NREP: variants seen among roughly 807,000 people sequenced by gnomAD.
NREP encodes neuronal regeneration-related protein.
A neutral mutation model predicts 8.6 loss-of-function variants in NREP; 5 were observed. That is an observed-to-expected ratio of 0.58 (90% CI 0.30 to 1.22). The LOEUF is 1.22. Ranked by LOEUF, NREP falls within the 50% of genes most tolerant of loss-of-function variation. The pLI, the probability that NREP is intolerant of heterozygous loss-of-function variation, is 0.07. For missense variants in NREP, 86 were observed against 82.5 expected, an observed-to-expected ratio of 1.04 and a Z score of -0.17; for synonymous variants, 27 against 28.0, an observed-to-expected ratio of 0.96 and a Z score of 0.11.
intron 2 of NREP, among the ~76,000 whole-genome samples, chr5:111,900,167 G>C (rs1754607806): frequency 6.6e-6 from 1 of 151,790 alleles, no homozygotes; most frequent in Non-Finnish European, 1.5e-5. Flanking sequence ...CAAATACATG[G>C]AAATTAAGCA....
At chr5:111,936,157 T>C (rs565205701) in intron 2 of NREP, among the ~76,000 whole-genome samples, 4 of 152,246 alleles carry the variant, frequency 2.6e-5, no homozygotes, top group African/African-American at 9.6e-5. Context: ...GGGCATGATA[T>C]GGTTCGGCTC....
Position 111,951,923 on chromosome 5 carries a change from G to T in NREP, c.135+23351C>A, listed in dbSNP as rs77596841. ...ATAACTGTACCAAGATGAGGCTAAG[G>T]CACAAAAGTGGATACCTCCCCATTT... On this transcript the variant is annotated intron_variant, in intron 2 of 3. Transcript: ENST00000395634. Among the ~76,000 whole-genome samples, 673 of 152,078 alleles carry T rather than the reference G, an allele frequency of 4.4e-3. 7 individuals are homozygous for T. Among genetic ancestry groups the T allele is most frequent in the African/African-American group, 0.016 (649 of 41,498 alleles).
At chr5:111,739,776 G>A (rs1265865585) in intron 2 of NREP, 3 of 151,856 alleles carry the variant, frequency 2.0e-5, no homozygotes, top group African/African-American at 4.8e-5. Flanking sequence ...AAATTTAAGC[G>A]TTCTGGGTAT....
chr5:111,879,635 A>G (rs1753998033), intron 2 of NREP, among the ~76,000 whole-genome samples: 1 of 152,192 alleles, frequency 6.6e-6, no homozygotes, highest in Non-Finnish European at 1.5e-5. Context: ...TGGTGCTTAC[A>G]TTACTCTGCT....
At chr5:111,829,714 T>G (rs966564815) in intron 2 of NREP, among the ~76,000 whole-genome samples, 1 of 152,220 alleles carries the variant, frequency 6.6e-6, no homozygotes, top group Non-Finnish European at 1.5e-5. Context: ...CTCAATCTTC[T>G]GAGCTGAGGG....
intron 2 of NREP, among the ~76,000 whole-genome samples, chr5:111,844,557 T>G (rs1044166334): frequency 6.7e-6 from 1 of 150,232 alleles, no homozygotes; most frequent in South Asian, 2.1e-4. Context: ...AGCCAAAGAG[T>G]TGTTGGTGAT....
At chr5:111,876,462 G>A (rs563083611) in intron 2 of NREP, among the ~76,000 whole-genome samples, 1 of 152,192 alleles carries the variant, frequency 6.6e-6, no homozygotes, top group Non-Finnish European at 1.5e-5. Context: ...TTCCTTTTGA[G>A]CAGAATCCCA....
intron 3 of NREP, chr5:111,732,874 A>C (rs1309197366): frequency 1.3e-5 from 2 of 152,210 alleles, no homozygotes; most frequent in African/African-American, 4.8e-5. Flanking sequence ...TAACTCAACA[A>C]TTATAGTCTT....
intron 2 of NREP, among the ~76,000 whole-genome samples, chr5:111,910,374 A>G (rs1410494233): frequency 6.6e-6 from 1 of 152,026 alleles, no homozygotes; most frequent in Non-Finnish European, 1.5e-5. Flanking sequence ...AGAGTTCTCA[A>G]AGGAACAGCA....
chr5:111,877,774 A>T (rs896908254), intron 2 of NREP, among the ~76,000 whole-genome samples: 2 of 152,130 alleles, frequency 1.3e-5, no homozygotes, highest in African/African-American at 4.8e-5. Context: ...TAGGTTTTAC[A>T]GTTGAAGACT....
At chr5:111,864,560 G>A (rs1753623411) in intron 2 of NREP, among the ~76,000 whole-genome samples, 1 of 152,054 alleles carries the variant, frequency 6.6e-6, no homozygotes, top group African/African-American at 2.4e-5. Flanking sequence ...TATTAAAACT[G>A]GAGCGGGGTG....
At chr5:111,869,478 A>G (rs1753738598) in intron 2 of NREP, among the ~76,000 whole-genome samples, 1 of 152,198 alleles carries the variant, frequency 6.6e-6, no homozygotes, top group African/African-American at 2.4e-5. Context: ...GTAGTTAATG[A>G]AGTTTTAACT....
chr5:111,975,253 C>G (rs1186942835), intron 2 of NREP: 1 of 1,517,558 alleles, frequency 6.6e-7, no homozygotes, highest in Non-Finnish European at 9.0e-7. Context: ...ACGAGCAAAT[C>G]AGGATAGCAG....
intron 2 of NREP, among the ~76,000 whole-genome samples, chr5:111,877,474 G>A (rs1018569128): frequency 1.3e-5 from 2 of 152,160 alleles, no homozygotes; most frequent in Non-Finnish European, 2.9e-5. Flanking sequence ...AGATTTGCTT[G>A]CTGTTTAGAA....
intron 2 of NREP, among the ~76,000 whole-genome samples, chr5:111,866,244 C>T (rs973867106): frequency 6.6e-6 from 1 of 151,990 alleles, no homozygotes; most frequent in African/African-American, 2.4e-5. Flanking sequence ...ATTTTTGCAA[C>T]CTACTCATCT....
At chr5:111,903,881 T>C (rs1754711869) in intron 2 of NREP, among the ~76,000 whole-genome samples, 1 of 152,184 alleles carries the variant, frequency 6.6e-6, no homozygotes, top group African/African-American at 2.4e-5. Flanking sequence ...CCTATGATCT[T>C]ATCACTGGCT....
chr5:111,925,090 A>C (rs946032965), intron 2 of NREP, among the ~76,000 whole-genome samples: 1 of 152,100 alleles, frequency 6.6e-6, no homozygotes, highest in African/African-American at 2.4e-5. Flanking sequence ...TGGATTGGAA[A>C]AGAACAGAGA....
intron 2 of NREP, among the ~76,000 whole-genome samples, chr5:111,741,966 A>C (rs1272693346): frequency 2.0e-5 from 3 of 151,992 alleles, no homozygotes; most frequent in Admixed American, 2.0e-4. Context: ...AAAGGAAAGG[A>C]AGGCCTTTGT....
chr5:111,730,952 G>T lies in NREP; in HGVS notation c.176C>A (p.Ser59Tyr). ...LTPLGSSELR[S>Y]PRISYLHFF ...AAAGTGGAGGTAACTGATTCTTGGG[G>T]AGCGGAGTTCACTGCTGCCCAGTGG... Residue 59 changes from serine (S) to tyrosine (Y), a missense_variant, in exon 4 of 4, where the codon TCC becomes TAC. Ser to Tyr is a moderately radical substitution (Grantham distance 144, BLOSUM62 -2). Coordinates refer to ENST00000257435, the MANE Select transcript of NREP (RefSeq NM_004772.4). 1 of 1,613,846 alleles carries T rather than the reference G, an allele frequency of 6.2e-7. No homozygotes were observed. The highest frequency in any genetic ancestry group is 8.5e-7 in the Non-Finnish European group (1 of 1,179,800).
Sources: gnomAD v4.1 joint callset for allele counts (sites outside exome capture counted in the v4.1 genomes callset) on GRCh38, gnomAD v4.1.1 for gene constraint, MANE v1.5 for transcripts, NCBI Gene and HGNC (gene_info 2026-07-23, HGNC 2026-07-21) for gene names.